Variants in PPID observed in about 807,000 individuals in gnomAD.
The protein encoded by PPID is peptidyl-prolyl cis-trans isomerase D.
In PPID, 47 loss-of-function variants were observed where a neutral mutation model predicts 48.1. The ratio of observed to expected loss-of-function variants is 0.98; its 90% CI spans 0.77 to 1.25. PPID has a LOEUF of 1.25. Among genes scored for constraint, PPID ranks in the 50% most tolerant of loss-of-function variants. PPID has a pLI of 0.00. For synonymous variants in PPID, 163 were observed against 148.8 expected, an observed-to-expected ratio of 1.10 and a Z score of -0.69; for missense variants, 429 against 443.5, an observed-to-expected ratio of 0.97 and a Z score of 0.29.
rs752599902 is a variant in PPID, at chr4:158,719,242, T to C, written c.271A>G (p.Asn91Asp). The change falls in exon 3 of 10, where the codon AAT becomes GAT. Residue 91 changes from asparagine (N) to aspartate (D), a missense_variant. By Grantham distance (23) the Asn-to-Asp change is conservative. Coordinates refer to ENST00000307720, the MANE Select transcript of PPID (RefSeq NM_005038.3). The stretch of plus-strand genomic sequence containing the variant: ...TAAATACTTTCTCCACCTGTCCCAT[T>C]CTGATTTGAGAAGTCTCCACCCTGA... ...MIQGGDFSNQ[N>D]GTGGESIYGE... The C allele has an allele frequency of 6.2e-7, 1 of 1,611,866 alleles. No individual in the cohort carries two copies. Among genetic ancestry groups the C allele is most frequent in the East Asian group, 2.2e-5 (1 of 44,870 alleles).
intron 7 of PPID, among the ~76,000 whole-genome samples, chr4:158,712,484 C>T (rs1393398349): frequency 6.6e-6 from 1 of 152,080 alleles, no homozygotes; most frequent in Non-Finnish European, 1.5e-5. Context: ...AACTACTTCA[C>T]GGTGGCTCAC....
At position 158,717,084 on chromosome 4, in the gene PPID, G is replaced by T. The variant is rs1484154975; in HGVS notation, c.450C>A (p.Gly150=). Residue 150 remains glycine (G), a synonymous_variant, in exon 4 of 10, where the codon GGC becomes GGA. Coordinates refer to ENST00000307720, the MANE Select transcript of PPID (RefSeq NM_005038.3). ...CCACTCCTATTCCTTTAATTACTTG[G>T]CCAAACACCACATGTTTCCCATCCA... is the stretch of plus-strand genomic sequence containing the variant. ...PHLDGKHVVF[G]QVIKGIGVAR... 2 of 1,613,708 alleles carry T rather than the reference G, an allele frequency of 1.2e-6. No homozygotes were observed. The highest frequency in any genetic ancestry group is 2.2e-5 in the South Asian group (2 of 91,042).
intron 4 of PPID, among the ~76,000 whole-genome samples, chr4:158,715,947 G>A (rs1389405976): frequency 6.6e-6 from 1 of 152,292 alleles, no homozygotes; most frequent in East Asian, 1.9e-4. Flanking sequence ...GGCATTAGGT[G>A]GGGCATGAGC....
intron 1 of PPID, among the ~76,000 whole-genome samples, chr4:158,721,886 G>T (rs1240652195): frequency 6.6e-6 from 1 of 152,072 alleles, no homozygotes; most frequent in Non-Finnish European, 1.5e-5. Flanking sequence ...GAAGTGACAA[G>T]ATTTCATTAT....
chr4:158,723,394 A>G lies in PPID; in HGVS notation c.-106T>C. The G allele has an allele frequency of 1.8e-6, 2 of 1,110,816 alleles. No homozygotes were observed. The highest frequency in any genetic ancestry group is 1.3e-5 in the South Asian group (1 of 75,748). The allele number at this position is 1,110,816 out of a possible 1,614,324, so 68.8% of individuals were successfully genotyped here. A position where few individuals can be genotyped will look rare whatever the true frequency, so the allele number is the denominator to read the frequency against. ...CCGCCGGAGACCGGCAGCGACGCTG[A>G]CCGGCCACTTCCGACGCAAGAACCG... On this transcript the variant is annotated 5_prime_UTR_variant, in exon 1 of 10. Coordinates refer to ENST00000307720, the MANE Select transcript of PPID (RefSeq NM_005038.3).
intron 9 of PPID, 99 bp downstream of exon 9, chr4:158,710,529 T>A (rs1481512504): frequency 2.7e-5 from 35 of 1,315,234 alleles, no homozygotes; most frequent in Non-Finnish European, 3.4e-5. Context: ...GTAGTGTCTG[T>A]TGAACAAACA....
intron 3 of PPID, 88 bp downstream of exon 3, chr4:158,719,092 A>G (rs950893579): frequency 1.2e-6 from 1 of 811,854 alleles, no homozygotes; most frequent in Non-Finnish European, 2.0e-6. Flanking sequence ...AGCACACTTG[A>G]AACATTTTTT....
At chr4:158,717,614 G>C (rs551433908) in intron 3 of PPID, among the ~76,000 whole-genome samples, 3 of 152,218 alleles carry the variant, frequency 2.0e-5, no homozygotes, top group South Asian at 2.1e-4. Flanking sequence ...GGGAAGACCT[G>C]AACGGTCTTC....
rs1229378046 is a variant in PPID at position 158,717,159 on chromosome 4, G to A, written c.375C>T (p.Arg125=). The part of the protein sequence containing the change: ...EGLLSMANAG[R]NTNGSQFFIT... The stretch of plus-strand genomic sequence containing the variant: ...TAAAAAACTGAGAACCGTTTGTGTT[G>A]CGGCCTGCATTTGCCATGCTCAGTA... Residue 125 remains arginine, a synonymous_variant, in exon 4 of 10, where the codon CGC becomes CGT. Coordinates refer to ENST00000307720, the MANE Select transcript of PPID (RefSeq NM_005038.3). 11 of 1,613,964 alleles carry A rather than the reference G, an allele frequency of 6.8e-6. No homozygotes were observed. In the Admixed American group the frequency reaches 1.8e-4, roughly 27 times the overall value.
intron 1 of PPID, 77 bp from the exon 2 acceptor site, chr4:158,721,560 T>C (rs1774960664): frequency 2.0e-6 from 3 of 1,495,242 alleles, no homozygotes; most frequent in Admixed American, 2.1e-5. Context: ...GGTATAATTA[T>C]GGTAGCAGAT....
intron 3 of PPID, among the ~76,000 whole-genome samples, chr4:158,718,062 G>A (rs1206712040): frequency 6.6e-6 from 1 of 152,056 alleles, no homozygotes; most frequent in Non-Finnish European, 1.5e-5. Flanking sequence ...CACGTTTATA[G>A]AAAGCAAGAA....
At chr4:158,715,242 A>C in intron 6 of PPID, 55 bp downstream of exon 6, 1 of 1,294,136 alleles carries the variant, frequency 7.7e-7, no homozygotes, top group Non-Finnish European at 1.0e-6. Flanking sequence ...TCTTAATTTT[A>C]GTTTATAATT....
At chr4:158,721,016 T>C (rs1311131010) in intron 2 of PPID, among the ~76,000 whole-genome samples, 2 of 152,236 alleles carry the variant, frequency 1.3e-5, no homozygotes, top group African/African-American at 2.4e-5. Context: ...GCCCGGTCTA[T>C]GCATAACTTT....
intron 3 of PPID, among the ~76,000 whole-genome samples, chr4:158,718,817 G>T (rs866104277): frequency 1.3e-4 from 20 of 152,242 alleles, no homozygotes; most frequent in Middle Eastern, 3.4e-3. Flanking sequence ...CTGACATCCT[G>T]GATATTAGTG....
Position 158,713,257 on chromosome 4 carries a change from G to A in PPID, c.756C>T (p.Tyr252=), listed in dbSNP as rs199788740. 3.5e-5 allele frequency: 56 copies of A among 1,604,576 alleles called. No homozygotes were observed. The highest frequency in any genetic ancestry group is 2.8e-4 in the African/African-American group (21 of 74,558). Residue 252 remains tyrosine (Y), a synonymous_variant, in exon 7 of 10, where the codon TAC becomes TAT. Coordinates refer to ENST00000307720, the MANE Select transcript of PPID (RefSeq NM_005038.3). ...AIKKYAEVLR[Y]VDSSKAVIET... Reference sequence around the variant, plus strand: ...CAATAACAGCCTTTGAACTGTCCACGTATCTGCAGAATGCATTAATAAAAG... The same window carrying A: ...CAATAACAGCCTTTGAACTGTCCACATATCTGCAGAATGCATTAATAAAAG...
chr4:158,723,174 G>C, intron 1 of PPID, 30 bp downstream of exon 1: 1 of 1,596,828 alleles, frequency 6.3e-7, no homozygotes, highest in Non-Finnish European at 8.6e-7. Flanking sequence ...CCTCCTCGGG[G>C]CTTTTCCGCG....
At chr4:158,715,782 G>T in intron 4 of PPID, 98 bp from the exon 5 acceptor site, 1 of 1,334,216 alleles carries the variant, frequency 7.5e-7, no homozygotes, top group East Asian at 2.4e-5. Flanking sequence ...CCAATTCACA[G>T]ATTTATGTGA....
At chr4:158,712,196 C>T (rs949480863) in intron 7 of PPID, among the ~76,000 whole-genome samples, 4 of 152,252 alleles carry the variant, frequency 2.6e-5, no homozygotes, top group African/African-American at 9.6e-5. Context: ...GTCATAATTG[C>T]TCTATTTGAG....
Position 158,709,659 on chromosome 4 carries a change from T to C in PPID, c.*77A>G. On this transcript the variant is annotated 3_prime_UTR_variant, in exon 10 of 10. Coordinates refer to ENST00000307720, the MANE Select transcript of PPID (RefSeq NM_005038.3). ...GTCAAAAGAAACACATTAGGGATCA[T>C]ATTCATAGACAAAAACCTTTACATT... 9.1e-7 allele frequency: 1 copy of C among 1,101,240 alleles called. No individual in the cohort carries two copies. The highest frequency in any genetic ancestry group is 1.3e-6 in the Non-Finnish European group (1 of 747,572). 68.2% of individuals were successfully genotyped at this position (1,101,240 alleles called of 1,614,324 possible).
Sources: allele counts gnomAD v4.1 joint callset (sites outside exome capture counted in the v4.1 genomes callset), GRCh38; gene constraint gnomAD v4.1.1; transcripts MANE v1.5; gene names NCBI Gene and HGNC (gene_info 2026-07-23, HGNC 2026-07-21).